Variants in TYW1B observed in about 807,000 individuals in gnomAD.
TYW1B encodes the protein S-adenosyl-L-methionine-dependent tRNA 4-demethylwyosine synthase TYW1B.
In TYW1B, 73 loss-of-function variants were observed where a neutral mutation model predicts 86.9. That is an observed-to-expected ratio of 0.84 (90% CI 0.70 to 1.02). The LOEUF (loss-of-function observed/expected upper bound fraction) is 1.02, where lower values mean the gene tolerates loss of function less well. Among genes scored for constraint, TYW1B ranks in the 50% least tolerant of loss-of-function variants. The pLI is 0.00. For synonymous variants in TYW1B, 248 were observed against 292.8 expected (o/e 0.85, Z 1.56); for missense variants, 637 against 827.4 (o/e 0.77, Z 2.82).
chr7:72,690,784 G>C (rs1563060223), intron 11 of TYW1B, among the ~76,000 whole-genome samples: 1 of 152,124 alleles, frequency 6.6e-6, no homozygotes, highest in African/African-American at 2.4e-5. Flanking sequence ...TCTCGCTCTT[G>C]TTGACCAGAC....
At chr7:72,793,834 G>T (rs1554474014) in intron 6 of TYW1B, among the ~76,000 whole-genome samples, 1 of 151,844 alleles carries the variant, frequency 6.6e-6, no homozygotes, top group Non-Finnish European at 1.5e-5. Flanking sequence ...GAGGGTTTTT[G>T]AAGACTTCTC....
At chr7:72,696,631 G>C (rs1449973810) in intron 10 of TYW1B, among the ~76,000 whole-genome samples, 1 of 152,074 alleles carries the variant, frequency 6.6e-6, no homozygotes, top group Non-Finnish European at 1.5e-5. Flanking sequence ...AGATATTAAA[G>C]CTACTTTTTA....
At chr7:72,713,134 A>AC (rs1786705415) in intron 10 of TYW1B, among the ~76,000 whole-genome samples, 1 of 97,120 alleles carries the variant, frequency 1.0e-5, no homozygotes, top group Non-Finnish European at 2.7e-5. Context: ...GCCCATCTCT[A>AC]TTAAAAAAAA....
intron 10 of TYW1B, among the ~76,000 whole-genome samples, chr7:72,709,956 A>G (rs1343898008): frequency 6.6e-6 from 1 of 152,174 alleles, no homozygotes; most frequent in East Asian, 1.9e-4. Context: ...TAGTACGAAC[A>G]TCTTGTCGTA....
Position 72,792,777 on chromosome 7 carries a change from A to G in TYW1B, c.846+9623T>C, listed in dbSNP as rs1315277531. Among the ~76,000 whole-genome samples, 15 of 152,328 alleles carry G rather than the reference A, an allele frequency of 9.8e-5. 1 individual carries two copies. In the South Asian group the frequency reaches 2.1e-3, roughly 21 times the overall value. ...TGAACTACCTTAAAATGAACCTTAC[A>G]TTGAATTCATCTAATATGACAGGAC... On this transcript the variant is annotated intron_variant, in intron 6 of 13. Transcript: ENST00000620995.
chr7:72,823,392 C>A lies in TYW1B; in HGVS notation c.135+3463G>T, dbSNP rs13307584. Among the ~76,000 whole-genome samples, 1,403 of 151,912 alleles carry A rather than the reference C, an allele frequency of 9.2e-3. 10 individuals are homozygous for A. The highest frequency in any genetic ancestry group is 0.016 in the Non-Finnish European group (1,059 of 67,928). On this transcript the variant is annotated intron_variant, in intron 2 of 13. Transcript: ENST00000620995. ...ATCCCAACACTTTGGGAGGCCAAGG[C>A]GGGCAGATCACGAGGTCAGGAGTTC...
chr7:72,764,770 T>C (rs1209525407), intron 7 of TYW1B, among the ~76,000 whole-genome samples: 1 of 152,206 alleles, frequency 6.6e-6, no homozygotes, highest in East Asian at 1.9e-4. Flanking sequence ...TAAAATTTAA[T>C]GACTTCAAAT....
intron 9 of TYW1B, among the ~76,000 whole-genome samples, chr7:72,715,185 G>A (rs1188127396): frequency 3.3e-5 from 5 of 151,942 alleles, no homozygotes; most frequent in Non-Finnish European, 7.4e-5. Context: ...GCAATTCGCA[G>A]TTTCTGAAGC....
At chr7:72,698,798 A>G (rs573787200) in intron 10 of TYW1B, among the ~76,000 whole-genome samples, 28 of 152,348 alleles carry the variant, frequency 1.8e-4, no homozygotes, top group African/African-American at 6.5e-4. Flanking sequence ...CAGCGGTTAC[A>G]TGTAACAAAC....
intron 7 of TYW1B, among the ~76,000 whole-genome samples, chr7:72,750,334 T>C (rs1365116787): frequency 6.6e-6 from 1 of 152,228 alleles, no homozygotes; most frequent in East Asian, 1.9e-4. Context: ...TTGCTGCATA[T>C]GAAACTCAAA....
At chr7:72,629,945 A>G (rs1351342428) in intron 11 of TYW1B, among the ~76,000 whole-genome samples, 2 of 152,136 alleles carry the variant, frequency 1.3e-5, no homozygotes, top group Non-Finnish European at 2.9e-5. Context: ...AAATGATTAA[A>G]CATTCAAAAA....
chr7:72,616,698 T>C lies in TYW1B; in HGVS notation c.1759A>G (p.Asn587Asp). The C allele has an allele frequency of 1.2e-6, 2 of 1,614,114 alleles. No homozygotes were observed. The highest frequency in any genetic ancestry group is 1.7e-6 in the Non-Finnish European group (2 of 1,180,000). The change falls in exon 13 of 14, where the codon AAT becomes GAT. Residue 587 changes from asparagine to aspartate, a missense_variant. Transcript: ENST00000620995. ...YEIACEHEHS[N>D]CLLIAHRKFK... ...TTTCTGTGTGCTATCAGGAGGCAAT[T>C]AGAGTGTTCGTGTTCACATGCAATT...
At chr7:72,826,568 G>A (rs1194896324) in intron 2 of TYW1B, among the ~76,000 whole-genome samples, 1 of 152,072 alleles carries the variant, frequency 6.6e-6, no homozygotes, top group East Asian at 1.9e-4. Flanking sequence ...GAGGACTACT[G>A]ACCCTTAAAG....
Position 72,575,312 on chromosome 7 carries a change from G to A in TYW1B, c.*186C>T, listed in dbSNP as rs1206954938. 19 of 1,420,834 alleles carry A rather than the reference G, an allele frequency of 1.3e-5. No individual in the cohort carries two copies. The highest frequency in any genetic ancestry group is 2.6e-4 in the Middle Eastern group (1 of 3,826). The allele number at this position is 1,420,834 out of a possible 1,614,324, so 88.0% of individuals were successfully genotyped here. ...GGGCTGAGTTCTGAAAAGAAACATC[G>A]GGGCTGTGGCCCAGGCCCTCTGAGT... On this transcript the variant is annotated 3_prime_UTR_variant, in exon 14 of 14. Transcript: ENST00000620995.
At chr7:72,770,244 C>T (rs1220128126) in intron 7 of TYW1B, among the ~76,000 whole-genome samples, 11 of 151,728 alleles carry the variant, frequency 7.2e-5, no homozygotes, top group African/African-American at 2.7e-4. Context: ...TCCTGGCTAA[C>T]ATGGTGAAAC....
At chr7:72,680,523 C>T (rs2960945) in intron 11 of TYW1B, among the ~76,000 whole-genome samples, 2 of 152,178 alleles carry the variant, frequency 1.3e-5, no homozygotes, top group African/African-American at 4.8e-5. Context: ...CTGAAGGCTG[C>T]AATGTCAGCT....
chr7:72,817,661 A>C (rs1554479696), intron 2 of TYW1B, among the ~76,000 whole-genome samples: 1 of 152,130 alleles, frequency 6.6e-6, no homozygotes. Flanking sequence ...AAAAAAATGC[A>C]CAAGTGAAGC....
At chr7:72,786,573 CTTTTTTTTT>C (rs10630508) in intron 6 of TYW1B, among the ~76,000 whole-genome samples, 1 of 107,460 alleles carries the variant, frequency 9.3e-6, no homozygotes, top group Non-Finnish European at 1.9e-5. Flanking sequence ...ATTCTTTTTT[CTTTTTTTTT>C]TTTTTTTTTT....
At chr7:72,620,871 C>G (rs1351291108) in intron 12 of TYW1B, among the ~76,000 whole-genome samples, 32 of 152,310 alleles carry the variant, frequency 2.1e-4, no homozygotes, top group African/African-American at 7.5e-4. Flanking sequence ...CCAAGTCACT[C>G]ACATCAGAAT....
Sources: allele counts gnomAD v4.1 joint callset (sites outside exome capture counted in the v4.1 genomes callset), GRCh38; gene constraint gnomAD v4.1.1; transcripts MANE v1.5; gene names NCBI Gene and HGNC (gene_info 2026-07-23, HGNC 2026-07-21).